LTBP1: variants seen among roughly 807,000 people sequenced by gnomAD.
The protein encoded by LTBP1 is latent transforming growth factor beta binding protein 1, also known as latent-transforming growth factor beta-binding protein 1.
LTBP1 carries 129 observed loss-of-function variants against 207.6 expected under a neutral mutation model. That is an observed-to-expected ratio of 0.62 (90% confidence interval 0.54 to 0.72). LTBP1 has a LOEUF of 0.72. LTBP1 is among the 30% of genes least tolerant of loss of function. The probability of loss-of-function intolerance (pLI) is 0.00; values close to 1 mark genes in which losing one functional copy is unlikely to be tolerated. For missense variants in LTBP1, 2,281 were observed against 2,217.2 expected (o/e 1.03, Z -0.58); for synonymous variants, 963 against 833.7 (o/e 1.16, Z -2.67).
chr2:33,272,158 T>C (rs1304110129), intron 15 of LTBP1, among the ~76,000 whole-genome samples: 1 of 152,314 alleles, frequency 6.6e-6, no homozygotes, highest in Non-Finnish European at 1.5e-5. Flanking sequence ...TTATGAAAAA[T>C]GAAGCATGTG....
chr2:33,368,027 T>C (rs1467854187), intron 31 of LTBP1, among the ~76,000 whole-genome samples: 1 of 152,000 alleles, frequency 6.6e-6, no homozygotes, highest in Non-Finnish European at 1.5e-5. Context: ...CCATACTGGC[T>C]AACACAGTGA....
chr2:33,341,875 T>C (rs2094630179), intron 24 of LTBP1, among the ~76,000 whole-genome samples: 1 of 151,962 alleles, frequency 6.6e-6, no homozygotes, highest in Admixed American at 6.6e-5. Flanking sequence ...CTGATTTCAT[T>C]ATTTGAACAT....
At chr2:33,297,022 G>C (rs1007816890) in intron 20 of LTBP1, among the ~76,000 whole-genome samples, 7 of 152,184 alleles carry the variant, frequency 4.6e-5, no homozygotes, top group Non-Finnish European at 1.0e-4. Context: ...GCCAAGAAGT[G>C]TGTGGCTAAC....
At chr2:33,002,666 T>G (rs1686202548) in intron 2 of LTBP1, among the ~76,000 whole-genome samples, 1 of 151,746 alleles carries the variant, frequency 6.6e-6, no homozygotes, top group African/African-American at 2.4e-5. Context: ...TTTGGTTTTT[T>G]TGTTTTGTTT....
At chr2:32,958,451 T>A (rs994356966) in intron 2 of LTBP1, among the ~76,000 whole-genome samples, 9 of 152,190 alleles carry the variant, frequency 5.9e-5, no homozygotes, top group African/African-American at 2.2e-4. Context: ...CAGATTCTAT[T>A]TGATGCTCCC....
At chr2:33,339,661 T>C (rs2094593228) in intron 24 of LTBP1, among the ~76,000 whole-genome samples, 1 of 152,094 alleles carries the variant, frequency 6.6e-6, no homozygotes, top group Admixed American at 6.6e-5. Flanking sequence ...CTTTTTTTTT[T>C]TGAGACGGAG....
chr2:33,201,860 T>C (rs1052073476), intron 7 of LTBP1, among the ~76,000 whole-genome samples: 4 of 152,182 alleles, frequency 2.6e-5, no homozygotes, highest in Admixed American at 1.3e-4. Flanking sequence ...AAGAACTGTT[T>C]GGGATTCTGT....
intron 9 of LTBP1, among the ~76,000 whole-genome samples, chr2:33,231,060 A>G (rs754714932): frequency 6.6e-6 from 1 of 152,312 alleles, no homozygotes; most frequent in East Asian, 1.9e-4. Context: ...ACTCCTAGCT[A>G]TAGACTGAAA....
chr2:33,207,627 A>C (rs945879232), intron 7 of LTBP1, among the ~76,000 whole-genome samples: 4 of 152,258 alleles, frequency 2.6e-5, no homozygotes, highest in Non-Finnish European at 4.4e-5. Flanking sequence ...CTTATGAGAC[A>C]ATGCCTGTTA....
Position 33,207,897 on chromosome 2 carries a change from G to T in LTBP1, c.1702-9655G>T, listed in dbSNP as rs552175108. On this transcript the variant is annotated intron_variant, in intron 7 of 33. Transcript: ENST00000404816. Reference sequence around the variant, plus strand: ...CATTTTGCTCAGAACATTGTCAGGAGTCACTTTTCCAGAGTGGAGATGTGT... The same window carrying T: ...CATTTTGCTCAGAACATTGTCAGGATTCACTTTTCCAGAGTGGAGATGTGT... Among the ~76,000 whole-genome samples, 26 of 152,332 alleles carry T rather than the reference G, an allele frequency of 1.7e-4. No homozygotes were observed. The South Asian group carries it at 3.1e-3, about 18-fold the overall frequency.
chr2:33,134,973 A>G lies in LTBP1; in HGVS notation c.1201+13A>G. ...AACTTCCGAGTGGGTGAGTTCCTCC[A>G]CGGTCCCTAACTGTCCTTACTGAGT... On this transcript the variant is annotated intron_variant, in intron 5 of 33. Coordinates refer to ENST00000404816, the MANE Select transcript of LTBP1 (RefSeq NM_206943.4). The surrounding 1 kb of genome is among the most constrained non-coding windows in gnomAD (Gnocchi z 4.4). 21 of 1,595,142 alleles carry G rather than the reference A, an allele frequency of 1.3e-5. No individual in the cohort carries two copies. The highest frequency in any genetic ancestry group is 1.8e-5 in the Non-Finnish European group (21 of 1,170,514).
intron 32 of LTBP1, among the ~76,000 whole-genome samples, chr2:33,391,169 G>A (rs1005868352): frequency 1.3e-5 from 2 of 151,672 alleles, no homozygotes; most frequent in South Asian, 2.1e-4. Context: ...ATCCAGCTAG[G>A]CTGCTTAACA....
At position 33,391,466 on chromosome 2, in the gene LTBP1, A is replaced by G. The variant is rs146695234; in HGVS notation, c.4834+2160A>G. Among the ~76,000 whole-genome samples the G allele has an allele frequency of 5.4e-4, 82 of 152,288 alleles. No homozygotes were observed. The East Asian group carries it at 0.015, about 29-fold the overall frequency. ...AAGAAAAAAGGAAGGGAGAAGAATT[A>G]TTAAGGTTGAAAGAAAGCCCAGCTT... On this transcript the variant is annotated intron_variant, in intron 32 of 33. Coordinates refer to ENST00000404816, the MANE Select transcript of LTBP1 (RefSeq NM_206943.4).
At chr2:33,029,695 TCTC>T (rs1002846095) in intron 3 of LTBP1, among the ~76,000 whole-genome samples, 2 of 152,246 alleles carry the variant, frequency 1.3e-5, no homozygotes, top group African/African-American at 4.8e-5. Context: ...TGTTCCATGT[TCTC>T]CTTGCATCGT....
chr2:33,397,406 G>C lies in LTBP1; in HGVS notation c.4984+124G>C, dbSNP rs920772122. 2.9e-6 allele frequency: 3 copies of C among 1,043,510 alleles called. No individual in the cohort carries two copies. The African/African-American group carries it at 4.8e-5, about 17-fold the overall frequency. 64.6% of individuals were successfully genotyped at this position (1,043,510 alleles called of 1,614,324 possible). ...TTGAGAAGATGAGAAAAGTTCTGGA[G>C]ATGTACATTAAGTACAGTATGAATA... On this transcript the variant is annotated intron_variant, in intron 33 of 33. Transcript: ENST00000404816.
intron 5 of LTBP1, among the ~76,000 whole-genome samples, chr2:33,184,781 G>GTTTTTTTTTTT (rs34063170): frequency 1.5e-5 from 2 of 136,384 alleles, no homozygotes; most frequent in African/African-American, 2.7e-5. Flanking sequence ...AGTATTTTCT[G>GTTTTTTTTTTT]TTTTTTTTTT....
Position 33,263,392 on chromosome 2 carries a change from G to C in LTBP1, c.2617G>C (p.Glu873Gln), listed in dbSNP as rs761213857. The change falls in exon 15 of 34, where the codon GAA (glutamate) becomes CAA (glutamine). Residue 873 changes from glutamate to glutamine, a missense_variant and splice_region_variant. Coordinates refer to ENST00000404816, the MANE Select transcript of LTBP1 (RefSeq NM_206943.4). Reference protein sequence around the residue: ...SQVIAPTQVTEINECTVNPDI... With the variant: ...SQVIAPTQVTQINECTVNPDI... ...AGTGATTGCTCCTACTCAAGTGACA[G>C]GTTGGTGCAGTATTTTTACATTATA... The C allele has an allele frequency of 2.5e-6, 4 of 1,610,988 alleles. No homozygotes were observed. The Admixed American group carries it at 5.0e-5, about 20-fold the overall frequency.
At chr2:33,294,779 A>T (rs888763281) in intron 20 of LTBP1, among the ~76,000 whole-genome samples, 2 of 151,580 alleles carry the variant, frequency 1.3e-5, no homozygotes, top group Admixed American at 1.3e-4. Context: ...AGGTTTCACC[A>T]TATTGGTCAG....
intron 5 of LTBP1, among the ~76,000 whole-genome samples, chr2:33,175,372 C>A (rs4670747): frequency 0.5 from 74,610 of 150,684 alleles, 18,730 homozygotes; most frequent in Non-Finnish European, 0.52. Context: ...TCAAAAGAAG[C>A]CATTTATGCA....
Sources: allele counts gnomAD v4.1 joint callset (sites outside exome capture counted in the v4.1 genomes callset), GRCh38; gene constraint gnomAD v4.1.1; non-coding constraint Gnocchi (gnomAD v3.1); transcripts MANE v1.5; gene names NCBI Gene and HGNC (gene_info 2026-07-23, HGNC 2026-07-21).